The following ABCC1 variants were observed in gnomAD, a reference collection of about 807,000 sequenced individuals.
The protein encoded by ABCC1 is ATP binding cassette subfamily C member 1 (ABCC1 blood group).
Under a neutral mutation model 172.9 loss-of-function variants are expected in ABCC1, and 83 were observed. That is an observed-to-expected ratio of 0.48 (90% CI 0.40 to 0.58). The LOEUF (loss-of-function observed/expected upper bound fraction) is 0.58. ABCC1 is among the 20% of genes least tolerant of loss of function. The pLI is 0.00. For missense variants in ABCC1, 1,817 were observed against 2,002.7 expected (o/e 0.91, Z 1.77); for synonymous variants, 937 against 825.2 (o/e 1.14, Z -2.32).
chr16:15,994,049 A>C (rs2046967146), intron 1 of ABCC1, among the ~76,000 whole-genome samples: 1 of 152,056 alleles, frequency 6.6e-6, no homozygotes, highest in Admixed American at 6.6e-5. Context: ...TAAAACCCTG[A>C]ATCTACAAAA....
intron 5 of ABCC1, among the ~76,000 whole-genome samples, chr16:16,024,151 G>A (rs961169056): frequency 3.3e-5 from 5 of 152,074 alleles, no homozygotes; most frequent in African/African-American, 7.2e-5. Flanking sequence ...CCCGGGAGGC[G>A]GAGGTTGCAG....
chr16:15,992,846 C>G (rs1244546827), intron 1 of ABCC1, among the ~76,000 whole-genome samples: 2 of 152,222 alleles, frequency 1.3e-5, no homozygotes, highest in African/African-American at 4.8e-5. Context: ...TTGGTGACTT[C>G]TCCCGCCCAA....
At chr16:16,076,480 C>T (rs554617110) in intron 15 of ABCC1, 79 bp downstream of exon 15, 169 of 1,352,894 alleles carry the variant, frequency 1.2e-4, no homozygotes, top group Middle Eastern at 3.7e-4. Flanking sequence ...GAATTCCCAC[C>T]GTGCTCCCTC....
In ABCC1 at chr16:16,069,738, A is replaced by G. The variant is rs371534604; in HGVS notation, c.1824+1436A>G. Among the ~76,000 whole-genome samples the G allele has an allele frequency of 1.1e-3, 167 of 152,222 alleles. 1 individual carries two copies. The highest frequency in any genetic ancestry group is 3.4e-3 in the African/African-American group (141 of 41,550). On this transcript the variant is annotated intron_variant, in intron 13 of 30. Transcript: ENST00000399410. Reference sequence around the variant, plus strand: ...CATTAAAAGAAAAAGAAAAAGAAAAAAAAAGCCAAGCATGATGGCTCACAC... The same window carrying G: ...CATTAAAAGAAAAAGAAAAAGAAAAGAAAAGCCAAGCATGATGGCTCACAC...
chr16:16,028,831 A>G (rs1029134661), intron 5 of ABCC1, among the ~76,000 whole-genome samples: 9 of 152,208 alleles, frequency 5.9e-5, no homozygotes, highest in African/African-American at 1.2e-4. Context: ...GCCCAAGGTC[A>G]TCAGCTAGAA....
At chr16:15,954,108 CAT>C (rs576014833) in intron 1 of ABCC1, among the ~76,000 whole-genome samples, 128 of 150,254 alleles carry the variant, frequency 8.5e-4, no homozygotes, top group African/African-American at 3.0e-3. Flanking sequence ...GCTGCGTTCA[CAT>C]GATTCCCCTG....
intron 19 of ABCC1, among the ~76,000 whole-genome samples, chr16:16,099,151 A>C (rs1349738269): frequency 1.3e-5 from 2 of 152,176 alleles, no homozygotes; most frequent in African/African-American, 4.8e-5. Flanking sequence ...GGTAAGCTCT[A>C]CTGTTTCATG....
chr16:16,131,659 C>T, intron 26 of ABCC1, 130 bp from the exon 27 acceptor site: 2 of 990,362 alleles, frequency 2.0e-6, no homozygotes, highest in Non-Finnish European at 1.5e-6. Context: ...CCAGGAAGGG[C>T]AACCCCCCAG....
chr16:16,114,651 A>T, intron 22 of ABCC1, 115 bp from the exon 23 acceptor site: 1 of 957,652 alleles, frequency 1.0e-6, no homozygotes, highest in Non-Finnish European at 1.5e-6. Flanking sequence ...CATCATTATT[A>T]TTATTATTAG....
At chr16:16,036,440 C>T (rs1477531780) in intron 6 of ABCC1, 32 bp from the exon 7 acceptor site, 3 of 1,597,450 alleles carry the variant, frequency 1.9e-6, no homozygotes, top group African/African-American at 1.3e-5. Flanking sequence ...CATTGACTCT[C>T]ATTGCCTAAC....
At chr16:15,969,026 G>A (rs913629969) in intron 1 of ABCC1, among the ~76,000 whole-genome samples, 76 of 152,146 alleles carry the variant, frequency 5.0e-4, no homozygotes, top group African/African-American at 1.7e-3. Flanking sequence ...TGTCCAACAT[G>A]GTGAAACTCC....
chr16:16,036,507 G>A lies in ABCC1; in HGVS notation c.713G>A (p.Gly238Asp), dbSNP rs906081060. 6.2e-7 allele frequency: 1 copy of A among 1,614,038 alleles called. No homozygotes were observed. Among genetic ancestry groups the A allele is most frequent in the Non-Finnish European group, 8.5e-7 (1 of 1,179,926 alleles). Residue 238 changes from glycine (G) to aspartate (D), a missense_variant, in exon 7 of 31, where the codon GGC becomes GAC. By Grantham distance (94) the Gly-to-Asp change is moderately conservative. This residue lies in a region of ABCC1 where 398 missense variants were observed against 384.2 expected (regional missense o/e 1.04). Transcript: ENST00000399410. ...CGGGGCTACCGCCAGCCCCTGGAGG[G>A]CAGTGACCTCTGGTCCTTAAACAAG... is the stretch of plus-strand genomic sequence containing the variant. ...IVRGYRQPLE[G>D]SDLWSLNKED...
chr16:16,061,334 CT>C (rs1419530554), intron 12 of ABCC1, among the ~76,000 whole-genome samples: 1 of 152,246 alleles, frequency 6.6e-6, no homozygotes, highest in African/African-American at 2.4e-5. Context: ...CCACCTCAGC[CT>C]GCTGACATTC....
chr16:16,126,789 A>T (rs1390146428), intron 26 of ABCC1, among the ~76,000 whole-genome samples: 1 of 151,984 alleles, frequency 6.6e-6, no homozygotes, highest in African/African-American at 2.4e-5. Flanking sequence ...AATTAAGTCT[A>T]AGTGACTTGA....
chr16:16,000,673 T>C (rs777499367), intron 1 of ABCC1, among the ~76,000 whole-genome samples: 4 of 152,198 alleles, frequency 2.6e-5, no homozygotes, highest in Non-Finnish European at 4.4e-5. Context: ...TTTCCCAGGC[T>C]GGTCTTGAAC....
intron 16 of ABCC1, among the ~76,000 whole-genome samples, chr16:16,080,284 A>G (rs750465855): frequency 6.6e-5 from 10 of 152,206 alleles, no homozygotes; most frequent in Non-Finnish European, 1.3e-4. Context: ...TAACAAAACA[A>G]AAATGTTTAT....
intron 5 of ABCC1, among the ~76,000 whole-genome samples, chr16:16,029,133 G>A (rs1474634394): frequency 6.6e-6 from 1 of 152,190 alleles, no homozygotes; most frequent in Admixed American, 6.5e-5. Flanking sequence ...CTGTGTATTT[G>A]AATCACTGGA....
At chr16:15,952,210 G>T (rs1567270423) in intron 1 of ABCC1, among the ~76,000 whole-genome samples, 1 of 152,210 alleles carries the variant, frequency 6.6e-6, no homozygotes, top group Non-Finnish European at 1.5e-5. Context: ...GCCCTGCACG[G>T]AGATAAACAA....
chr16:16,080,810 A>G (rs4148355), intron 16 of ABCC1, among the ~76,000 whole-genome samples: 20,240 of 152,200 alleles, frequency 0.13, 1,404 homozygotes, highest in Middle Eastern at 0.23. Flanking sequence ...GTGTCTGTGC[A>G]ACTGCACATT....
Sources: allele counts gnomAD v4.1 joint callset (sites outside exome capture counted in the v4.1 genomes callset), GRCh38; gene constraint gnomAD v4.1.1; regional missense constraint gnomAD v4.1.1; transcripts MANE v1.5; gene names NCBI Gene and HGNC (gene_info 2026-07-23, HGNC 2026-07-21).